The following NTNG1 variants were observed in gnomAD, a reference collection of about 807,000 sequenced individuals.
The protein encoded by NTNG1 is netrin G1, also known as netrin-G1.
A neutral mutation model predicts 54.0 loss-of-function variants in NTNG1; 16 were observed. That is an observed-to-expected ratio of 0.30 (90% CI 0.20 to 0.45). The LOEUF is 0.45. Ranked by LOEUF, NTNG1 falls within the 20% of genes least tolerant of loss-of-function variation. The probability of loss-of-function intolerance (pLI) is 1.00; values close to 1 mark genes in which losing one functional copy is unlikely to be tolerated. For synonymous variants in NTNG1, 255 were observed against 263.1 expected (o/e 0.97, Z 0.30); for missense variants, 530 against 678.7 (o/e 0.78, Z 2.43).
At chr1:107,338,873 A>T (rs368855902) in intron 3 of NTNG1, among the ~76,000 whole-genome samples, 1 of 43,458 alleles carries the variant, frequency 2.3e-5, no homozygotes, top group Non-Finnish European at 6.4e-5. Context: ...AAGAAGCTTT[A>T]AAAAAAAAAA....
rs141055251 is a variant in NTNG1, at chr1:107,265,067, G to A, written c.247-59215G>A. The stretch of plus-strand genomic sequence containing the variant: ...TTATTGAATGAATGAATGTGCAGAT[G>A]AATGAAAGTAGCATGAAGGACTAAT... On this transcript the variant is annotated intron_variant, in intron 2 of 7. Transcript: ENST00000370068. Among the ~76,000 whole-genome samples, 767 of 152,296 alleles carry A rather than the reference G, an allele frequency of 5.0e-3. 8 individuals are homozygous for A. Among genetic ancestry groups the A allele is most frequent in the African/African-American group, 0.018 (734 of 41,556 alleles).
chr1:107,220,402 C>T (rs578160403), intron 2 of NTNG1, among the ~76,000 whole-genome samples: 1 of 152,222 alleles, frequency 6.6e-6, no homozygotes, highest in Non-Finnish European at 1.5e-5. Context: ...ATGTGGGTTT[C>T]CACATGCTTC....
At chr1:107,153,197 C>G (rs576966716) in intron 2 of NTNG1, among the ~76,000 whole-genome samples, 1 of 152,278 alleles carries the variant, frequency 6.6e-6, no homozygotes, top group South Asian at 2.1e-4. Context: ...AGATGAGTGA[C>G]TGGTAACTCA....
At chr1:107,292,224 G>A (rs1275606280) in intron 2 of NTNG1, among the ~76,000 whole-genome samples, 2 of 152,140 alleles carry the variant, frequency 1.3e-5, no homozygotes, top group Non-Finnish European at 2.9e-5. Flanking sequence ...GTTGCCAGTG[G>A]CAAATCTGTG....
At chr1:107,153,956 T>C (rs1157126600) in intron 2 of NTNG1, among the ~76,000 whole-genome samples, 2 of 152,220 alleles carry the variant, frequency 1.3e-5, no homozygotes, top group African/African-American at 2.4e-5. Flanking sequence ...TCCCAGATAG[T>C]GTGCGTAAGT....
chr1:107,229,953 T>G (rs1660957696), intron 2 of NTNG1, among the ~76,000 whole-genome samples: 1 of 152,136 alleles, frequency 6.6e-6, no homozygotes, highest in African/African-American at 2.4e-5. Flanking sequence ...CTAATGACCC[T>G]GAAAACTGAA....
intron 7 of NTNG1, among the ~76,000 whole-genome samples, chr1:107,463,660 G>T (rs988570511): frequency 6.6e-6 from 1 of 151,886 alleles, no homozygotes; most frequent in Non-Finnish European, 1.5e-5. Flanking sequence ...AAATGTAAGA[G>T]TTTTTGTCAG....
intron 3 of NTNG1, among the ~76,000 whole-genome samples, chr1:107,325,876 G>T (rs1667923969): frequency 6.6e-6 from 1 of 151,718 alleles, no homozygotes; most frequent in Non-Finnish European, 1.5e-5. Flanking sequence ...AACATATGAG[G>T]ATAAGCATAT....
intron 2 of NTNG1, among the ~76,000 whole-genome samples, chr1:107,227,936 T>C (rs2101511426): frequency 6.6e-6 from 1 of 152,318 alleles, no homozygotes; most frequent in Non-Finnish European, 1.5e-5. Flanking sequence ...TTCAGTTACC[T>C]GAAACCAGAA....
chr1:107,371,375 T>G (rs114894427), intron 3 of NTNG1, among the ~76,000 whole-genome samples: 1,795 of 152,218 alleles, frequency 0.012, 26 homozygotes, highest in African/African-American at 0.04. Context: ...GCTAAATTTT[T>G]GTTTAGAATT....
intron 3 of NTNG1, among the ~76,000 whole-genome samples, chr1:107,361,549 C>T (rs1463568727): frequency 1.3e-5 from 2 of 151,362 alleles, no homozygotes; most frequent in Non-Finnish European, 2.9e-5. Flanking sequence ...CCACTATGCC[C>T]AGCTAATTTT....
At chr1:107,377,921 A>G (rs1671400971) in intron 3 of NTNG1, among the ~76,000 whole-genome samples, 1 of 152,224 alleles carries the variant, frequency 6.6e-6, no homozygotes, top group African/African-American at 2.4e-5. Flanking sequence ...CTTGCATTAT[A>G]TATTGCATAA....
intron 5 of NTNG1, among the ~76,000 whole-genome samples, chr1:107,411,285 G>T (rs866543512): frequency 2.0e-5 from 3 of 152,092 alleles, no homozygotes; most frequent in South Asian, 2.1e-4. Flanking sequence ...CTTCATCACA[G>T]AGTTAAAAAT....
chr1:107,177,842 T>C (rs1001773948), intron 2 of NTNG1, among the ~76,000 whole-genome samples: 8 of 152,230 alleles, frequency 5.3e-5, no homozygotes, highest in African/African-American at 1.9e-4. Context: ...TATTCATGTA[T>C]GTTGATCTTG....
At chr1:107,306,136 T>C (rs1666682612) in intron 2 of NTNG1, among the ~76,000 whole-genome samples, 1 of 152,192 alleles carries the variant, frequency 6.6e-6, no homozygotes, top group Non-Finnish European at 1.5e-5. Flanking sequence ...ACTACTACTA[T>C]CCTATAGAAA....
chr1:107,247,732 A>C (rs4244125), intron 2 of NTNG1, among the ~76,000 whole-genome samples: 150,571 of 152,322 alleles, frequency 0.99, 74,447 homozygotes, highest in East Asian at 1. Context: ...CAAATGAGTT[A>C]TCTTATAAAA....
At chr1:107,262,612 T>C (rs1663428619) in intron 2 of NTNG1, among the ~76,000 whole-genome samples, 1 of 152,180 alleles carries the variant, frequency 6.6e-6, no homozygotes, top group South Asian at 2.1e-4. Flanking sequence ...CATAATAAAT[T>C]GTAATGACTC....
At chr1:107,213,177 A>T (rs1659705453) in intron 2 of NTNG1, among the ~76,000 whole-genome samples, 1 of 152,036 alleles carries the variant, frequency 6.6e-6, no homozygotes, top group African/African-American at 2.4e-5. Context: ...TTGACTGTTA[A>T]TGTTTAGTGG....
chr1:107,319,986 C>T (rs913215059), intron 2 of NTNG1, among the ~76,000 whole-genome samples: 7 of 151,818 alleles, frequency 4.6e-5, no homozygotes, highest in Non-Finnish European at 8.8e-5. Context: ...TCAATAGAAA[C>T]AGTAAAAGCA....
Sources: gnomAD v4.1 joint callset for allele counts (sites outside exome capture counted in the v4.1 genomes callset) on GRCh38, gnomAD v4.1.1 for gene constraint, MANE v1.5 for transcripts, NCBI Gene and HGNC (gene_info 2026-07-23, HGNC 2026-07-21) for gene names.